The following PPFIA2 variants were observed in gnomAD, a reference collection of about 807,000 sequenced individuals.
The protein encoded by PPFIA2 is liprin-alpha-2.
In PPFIA2, 46 loss-of-function variants were observed where a neutral mutation model predicts 175.5. That is an observed-to-expected ratio of 0.26 (90% CI 0.21 to 0.34). The LOEUF (loss-of-function observed/expected upper bound fraction) is 0.34. PPFIA2 is among the 10% of genes least tolerant of loss of function. The pLI is 1.00. For missense variants in PPFIA2, 1,179 were observed against 1,506.1 expected, an observed-to-expected ratio of 0.78 and a Z score of 3.60; for synonymous variants, 568 against 511.4, an observed-to-expected ratio of 1.11 and a Z score of -1.49.
chr12:81,701,915 TAAAAAAAAA>T (rs748051152), intron 3 of PPFIA2, among the ~76,000 whole-genome samples: 1 of 84,198 alleles, frequency 1.2e-5, no homozygotes, highest in East Asian at 3.9e-4. Context: ...ATGGGAAGAC[TAAAAAAAAA>T]AAAAAAAAAA....
At chr12:81,432,172 A>G (rs2048208498) in intron 7 of PPFIA2, among the ~76,000 whole-genome samples, 1 of 152,194 alleles carries the variant, frequency 6.6e-6, no homozygotes, top group South Asian at 2.1e-4. Context: ...AAGTACATTC[A>G]CATTGTTAAT....
intron 3 of PPFIA2, among the ~76,000 whole-genome samples, chr12:81,706,465 C>T (rs940742747): frequency 6.6e-6 from 1 of 152,100 alleles, no homozygotes; most frequent in Non-Finnish European, 1.5e-5. Flanking sequence ...CTTCCACAAC[C>T]TTAAAAATTA....
chr12:81,535,263 G>A (rs1368686501), intron 4 of PPFIA2, among the ~76,000 whole-genome samples: 1 of 151,746 alleles, frequency 6.6e-6, no homozygotes, highest in Non-Finnish European at 1.5e-5. Context: ...AGCAGAGCAT[G>A]CACAAGAAGT....
At chr12:81,676,901 C>G in intron 3 of PPFIA2, 57 bp from the exon 4 acceptor site, 1 of 1,229,764 alleles carries the variant, frequency 8.1e-7, no homozygotes, top group Non-Finnish European at 1.1e-6. Context: ...GAAGAATCCC[C>G]CAGTCCCACA....
At chr12:81,327,947 C>A (rs1054795034) in intron 21 of PPFIA2, among the ~76,000 whole-genome samples, 6 of 151,958 alleles carry the variant, frequency 3.9e-5, no homozygotes, top group Non-Finnish European at 8.8e-5. Context: ...ACATCCTACT[C>A]AAAAATGCCA....
rs568461928 is a variant in PPFIA2 at position 81,375,939 on chromosome 12, T to C, written c.988A>G (p.Met330Val). Residue 330 changes from methionine to valine, a missense_variant, in exon 10 of 33, where the codon ATG becomes GTG. By Grantham distance (21) the Met-to-Val change is conservative. This residue lies in a region of PPFIA2 where 226 missense variants were observed against 216.6 expected (regional missense o/e 1.04). Transcript: ENST00000549396. Reference protein sequence around the residue: ...TKYQRDIREAMAQKEDMEERI... With the variant: ...TKYQRDIREAVAQKEDMEERI... ...TCTTCCATATCTTCCTTTTGTGCCA[T>C]GGCCTACAATTAAAATAATTTAGAA... The C allele has an allele frequency of 1.9e-6, 3 of 1,610,780 alleles. No individual in the cohort carries two copies. The highest frequency in any genetic ancestry group is 2.2e-5 in the South Asian group (2 of 90,300).
At chr12:81,420,540 T>C (rs1002453170) in intron 7 of PPFIA2, among the ~76,000 whole-genome samples, 1 of 151,558 alleles carries the variant, frequency 6.6e-6, no homozygotes, top group African/African-American at 2.4e-5. Flanking sequence ...AAAACTACAA[T>C]AGAGTGCTTC....
intron 4 of PPFIA2, among the ~76,000 whole-genome samples, chr12:81,468,951 G>T (rs1437632349): frequency 6.6e-6 from 1 of 152,004 alleles, no homozygotes; most frequent in Non-Finnish European, 1.5e-5. Context: ...CCATGAGAGA[G>T]AAATCTGGAA....
intron 11 of PPFIA2, 37 bp downstream of exon 11, chr12:81,374,597 A>AAT (rs748072011): frequency 6.5e-7 from 1 of 1,544,144 alleles, no homozygotes; most frequent in Non-Finnish European, 8.7e-7. Flanking sequence ...CCTTTCTACA[A>AAT]ATATATCTAG....
At chr12:81,488,438 A>G (rs2059078193) in intron 4 of PPFIA2, among the ~76,000 whole-genome samples, 1 of 151,500 alleles carries the variant, frequency 6.6e-6, no homozygotes, top group African/African-American at 2.4e-5. Flanking sequence ...ACACACACAA[A>G]CACACCCACA....
At chr12:81,727,080 C>CAACATAA (rs988718812) in intron 3 of PPFIA2, among the ~76,000 whole-genome samples, 2 of 151,272 alleles carry the variant, frequency 1.3e-5, no homozygotes, top group Admixed American at 6.6e-5. Flanking sequence ...GTTGTTATGG[C>CAACATAA]AACATATTCT....
intron 4 of PPFIA2, among the ~76,000 whole-genome samples, chr12:81,646,249 A>C (rs2066051562): frequency 6.6e-6 from 1 of 152,174 alleles, no homozygotes; most frequent in African/African-American, 2.4e-5. Flanking sequence ...AAAGGCAGGA[A>C]ATCAGCCTGT....
intron 4 of PPFIA2, among the ~76,000 whole-genome samples, chr12:81,496,362 T>C (rs2060022376): frequency 6.6e-6 from 1 of 152,162 alleles, no homozygotes; most frequent in South Asian, 2.1e-4. Flanking sequence ...TGGAGACAAT[T>C]GCAGAAAATT....
intron 4 of PPFIA2, among the ~76,000 whole-genome samples, chr12:81,583,657 T>C (rs2074747164): frequency 6.6e-6 from 1 of 152,066 alleles, no homozygotes; most frequent in Admixed American, 6.6e-5. Flanking sequence ...GTATTCTTCA[T>C]AATTACCATC....
At chr12:81,521,515 T>C (rs2063123914) in intron 4 of PPFIA2, among the ~76,000 whole-genome samples, 1 of 152,124 alleles carries the variant, frequency 6.6e-6, no homozygotes, top group Admixed American at 6.6e-5. Flanking sequence ...AGTAATGTCA[T>C]CCAAAGGAAC....
intron 7 of PPFIA2, among the ~76,000 whole-genome samples, chr12:81,432,553 C>T (rs761234581): frequency 5.3e-5 from 8 of 151,038 alleles, no homozygotes; most frequent in Non-Finnish European, 8.8e-5. Context: ...GCAACCTCTG[C>T]CTCCCGGGTT....
chr12:81,310,899 C>A (rs924138537), intron 22 of PPFIA2, among the ~76,000 whole-genome samples: 3 of 151,994 alleles, frequency 2.0e-5, no homozygotes, highest in Non-Finnish European at 4.4e-5. Context: ...AGTAATATTA[C>A]AAAGTACAAG....
rs935065968 is a variant in PPFIA2 at position 81,536,848 on chromosome 12, AT to A, written c.304-78983del. Among the ~76,000 whole-genome samples, 795 of 143,184 alleles carry A rather than the reference AT, an allele frequency of 5.6e-3. 4 individuals are homozygous for A. The highest frequency in any genetic ancestry group is 0.015 in the Middle Eastern group (4 of 266). The allele number at this position is 143,184 out of a possible 152,430, so 93.9% of individuals were successfully genotyped here. ...TGGTAAGGAGAAGAGGAAATGAAGA[AT>A]TTTTTTTTTTTAGGTTAACATGACA... is the stretch of plus-strand genomic sequence containing the variant. On this transcript the variant is annotated intron_variant, in intron 4 of 32. Transcript: ENST00000549396.
Position 81,624,222 on chromosome 12 carries a change from C to T in PPFIA2, c.303+52569G>A, listed in dbSNP as rs549100503. On this transcript the variant is annotated intron_variant, in intron 4 of 32. Transcript: ENST00000549396. ...TAATCCAGATGCTTGCTTTATGTTA[C>T]TTATATGTCAACTTGTAAATTGAGA... 2.0e-3 allele frequency among the ~76,000 whole-genome samples: 308 copies of T among 151,478 alleles called. 1 individual carries two copies. The highest frequency in any genetic ancestry group is 6.8e-3 in the Middle Eastern group (2 of 294).
Sources: allele counts gnomAD v4.1 joint callset (sites outside exome capture counted in the v4.1 genomes callset), GRCh38; gene constraint gnomAD v4.1.1; regional missense constraint gnomAD v4.1.1; transcripts MANE v1.5; gene names NCBI Gene and HGNC (gene_info 2026-07-23, HGNC 2026-07-21).